The following AR variants were observed in gnomAD, a reference collection of about 807,000 sequenced individuals.
AR encodes androgen receptor, also known as dihydrotestosterone receptor.
AR carries 8 observed loss-of-function variants against 53.9 expected under a neutral mutation model. That is an observed-to-expected ratio of 0.15 (90% CI 0.09 to 0.27). AR has a LOEUF of 0.27. Among genes scored for constraint, AR ranks in the 10% least tolerant of loss-of-function variants. The pLI is 1.00. For synonymous variants in AR, 359 were observed against 316.4 expected (o/e 1.13, Z -1.43); for missense variants, 639 against 742.5 (o/e 0.86, Z 1.62).
At chrX:67,602,621 C>A (rs1187758763) in intron 1 of AR, among the ~76,000 whole-genome samples, 2 of 111,164 alleles carry the variant, frequency 1.8e-5, no homozygotes, top group African/African-American at 6.5e-5. Flanking sequence ...AGGAGTGATC[C>A]CTGGCTGACA....
At chrX:67,662,990 C>T (rs1469319955) in intron 2 of AR, among the ~76,000 whole-genome samples, 1 of 111,579 alleles carries the variant, frequency 9.0e-6, no homozygotes, top group Non-Finnish European at 1.9e-5. Flanking sequence ...AATCTTCTTC[C>T]ATCCCTTTAT....
chrX:67,579,788 A>G (rs752183536), intron 1 of AR, among the ~76,000 whole-genome samples: 1 of 111,719 alleles, frequency 9.0e-6, no homozygotes, highest in East Asian at 2.8e-4. Flanking sequence ...TACATGAGCA[A>G]ACTGCCTTTC....
At chrX:67,651,325 G>A (rs1342036206) in intron 2 of AR, among the ~76,000 whole-genome samples, 3 of 110,042 alleles carry the variant, frequency 2.7e-5, no homozygotes, top group Non-Finnish European at 5.7e-5. Context: ...GGGATTACAG[G>A]CGTGAAAATG....
chrX:67,711,325 G>A (rs1229692032), intron 3 of AR, 77 bp from the exon 4 acceptor site: 1 of 1,102,375 alleles, frequency 9.1e-7, no homozygotes, highest in Non-Finnish European at 1.2e-6. Flanking sequence ...AGCTAGGGCA[G>A]TTTTTCTAAA....
chrX:67,634,233 T>G (rs1925316318), intron 1 of AR, among the ~76,000 whole-genome samples: 1 of 111,580 alleles, frequency 9.0e-6, no homozygotes, highest in African/African-American at 3.3e-5. Context: ...AAGTATCAGT[T>G]TGCATATATG....
intron 2 of AR, among the ~76,000 whole-genome samples, chrX:67,682,939 G>A (rs978661142): frequency 6.2e-5 from 7 of 112,078 alleles, no homozygotes; most frequent in Non-Finnish European, 1.9e-5. Context: ...TCACTATTAT[G>A]TGTCATTTCA....
intron 1 of AR, among the ~76,000 whole-genome samples, chrX:67,596,322 T>C (rs181905342): frequency 9.1e-6 from 1 of 110,470 alleles, no homozygotes; most frequent in African/African-American, 3.3e-5. Flanking sequence ...CTCTTTTGTA[T>C]CAGGGAGAGG....
At chrX:67,648,504 T>TA (rs1336799072) in intron 2 of AR, among the ~76,000 whole-genome samples, 2 of 111,581 alleles carry the variant, frequency 1.8e-5, no homozygotes, top group African/African-American at 6.5e-5. Flanking sequence ...TGCCATATAT[T>TA]ACCTCATGAT....
At position 67,724,117 on chromosome X, in the gene AR, A is replaced by G; in HGVS notation, c.*276A>G. The G allele has an allele frequency of 2.7e-6, 1 of 372,853 alleles. No individual in the cohort carries two copies. Among genetic ancestry groups the G allele is most frequent in the Non-Finnish European group, 4.7e-6 (1 of 212,533 alleles). The allele number at this position is 372,853 out of a possible 1,213,427, so 30.7% of individuals were successfully genotyped here. The stretch of plus-strand genomic sequence containing the variant: ...CTATCTGTGTTTTGAATGGTGTTGT[A>G]TGCCTTTAAATCTGTGATGATCCTC... On this transcript the variant is annotated 3_prime_UTR_variant, in exon 8 of 8. Coordinates refer to ENST00000374690, the MANE Select transcript of AR (RefSeq NM_000044.6).
chrX:67,597,052 C>T (rs149782312), intron 1 of AR, among the ~76,000 whole-genome samples: 1 of 112,139 alleles, frequency 8.9e-6, no homozygotes, highest in Non-Finnish European at 1.9e-5. Context: ...AGTGTGGAAA[C>T]TTGTTCAGAA....
At chrX:67,584,142 G>A (rs1922418373) in intron 1 of AR, among the ~76,000 whole-genome samples, 1 of 111,881 alleles carries the variant, frequency 8.9e-6, no homozygotes, top group East Asian at 2.8e-4. Context: ...ATCCTGGAAA[G>A]AAAATATATT....
At chrX:67,631,554 A>G (rs764473093) in intron 1 of AR, among the ~76,000 whole-genome samples, 1 of 111,557 alleles carries the variant, frequency 9.0e-6, no homozygotes, top group South Asian at 3.8e-4. Flanking sequence ...AATTTTTTTC[A>G]AAGTTTTCAA....
intron 1 of AR, among the ~76,000 whole-genome samples, chrX:67,547,391 A>C (rs1045119626): frequency 9.0e-6 from 1 of 111,654 alleles, no homozygotes; most frequent in African/African-American, 3.3e-5. Flanking sequence ...AGATAATCCA[A>C]ACCGTCATGT....
chrX:67,582,184 TCTGA>T (rs1922326642), intron 1 of AR, among the ~76,000 whole-genome samples: 1 of 112,103 alleles, frequency 8.9e-6, no homozygotes. Flanking sequence ...CTCTTCTGAT[TCTGA>T]CTAAGATATT....
At chrX:67,696,676 G>A (rs1157207222) in intron 3 of AR, among the ~76,000 whole-genome samples, 1 of 111,158 alleles carries the variant, frequency 9.0e-6, no homozygotes, top group Admixed American at 9.6e-5. Context: ...TTGCCTGGGG[G>A]AATTTGGCAT....
chrX:67,673,043 G>GT (rs72492037), intron 2 of AR, among the ~76,000 whole-genome samples: 1,311 of 97,042 alleles, frequency 0.014, 12 homozygotes, highest in African/African-American at 0.031. Flanking sequence ...TAGGGTAAAA[G>GT]TTTTTTTTTT....
chrX:67,668,154 C>G lies in AR; in HGVS notation c.1769-17856C>G, dbSNP rs185857310. On this transcript the variant is annotated intron_variant, in intron 2 of 7. Coordinates refer to ENST00000374690, the MANE Select transcript of AR (RefSeq NM_000044.6). ...CTTGTTTTGTTTCAGATCTTATAGC[C>G]AAGGCCTTCAGTTTTTCTGAATTTA... Among the ~76,000 whole-genome samples, 401 of 111,755 alleles carry G rather than the reference C, an allele frequency of 3.6e-3. 2 individuals carry two copies. Among genetic ancestry groups the G allele is most frequent in the Admixed American group, 6.5e-3 (68 of 10,517 alleles).
chrX:67,569,262 C>G (rs748669439), intron 1 of AR, among the ~76,000 whole-genome samples: 9 of 110,080 alleles, frequency 8.2e-5, no homozygotes, highest in Non-Finnish European at 1.7e-4. Context: ...ATGCAAAAAG[C>G]ACTTAATTCG....
At chrX:67,664,827 C>A (rs1927173523) in intron 2 of AR, among the ~76,000 whole-genome samples, 1 of 112,486 alleles carries the variant, frequency 8.9e-6, no homozygotes, top group African/African-American at 3.2e-5. Flanking sequence ...GGGCACCCCT[C>A]CCCCAGCCTC....
Sources: gnomAD v4.1 joint callset for allele counts (sites outside exome capture counted in the v4.1 genomes callset) on GRCh38, gnomAD v4.1.1 for gene constraint, MANE v1.5 for transcripts, NCBI Gene and HGNC (gene_info 2026-07-23, HGNC 2026-07-21) for gene names.